RHBDD2: variants seen among roughly 807,000 people sequenced by gnomAD.
The protein encoded by RHBDD2 is rhomboid domain-containing protein 2.
Under a neutral mutation model 21.7 loss-of-function variants are expected in RHBDD2, and 13 were observed. The ratio of observed to expected loss-of-function variants is 0.60; its 90% confidence interval spans 0.39 to 0.95. RHBDD2 has a LOEUF of 0.95. Among genes scored for constraint, RHBDD2 ranks in the 40% least tolerant of loss-of-function variants. The pLI is 0.00. For synonymous variants in RHBDD2, 225 were observed against 220.0 expected, an observed-to-expected ratio of 1.02 and a Z score of -0.20; for missense variants, 473 against 478.9, an observed-to-expected ratio of 0.99 and a Z score of 0.11.
chr7:75,879,972 G>C (rs2115974744), intron 1 of RHBDD2, among the ~76,000 whole-genome samples: 1 of 152,232 alleles, frequency 6.6e-6, no homozygotes, highest in South Asian at 2.1e-4. Context: ...CATATCTCCT[G>C]CTGTTTTGCA....
chr7:75,888,150 C>G lies in RHBDD2; in HGVS notation c.896C>G (p.Pro299Arg), dbSNP rs782680205. 1.9e-6 allele frequency: 3 copies of G among 1,613,768 alleles called. No homozygotes were observed. Among genetic ancestry groups the G allele is most frequent in the African/African-American group, 1.3e-5 (1 of 74,934 alleles). Residue 299 changes from proline to arginine, a missense_variant, in exon 4 of 4, where the codon CCT (proline) becomes CGT (arginine). Transcript: ENST00000006777. ...GHMPTLPPYQ[P>R]ASGLCYVQNH... ...ATGCCCACCTTGCCTCCGTACCAGCCTGCCTCCGGCCTGTGCTATGTGCAG... is the reference window on the plus strand; with the variant it reads ...ATGCCCACCTTGCCTCCGTACCAGCGTGCCTCCGGCCTGTGCTATGTGCAG...
chr7:75,882,154 G>A lies in RHBDD2; in HGVS notation c.504G>A (p.Pro168=), dbSNP rs377724977. ...TGGTTGTGCCCTCAGTCCTGGTTCC[G>A]TGGCTCCTGCTGGGTGCCTCGTGGC... The part of the protein sequence containing the change: ...FGMVVPSVLV[P]WLLLGASWLI... Residue 168 remains proline, a synonymous_variant, in exon 2 of 4, where the codon CCG becomes CCA. Coordinates refer to ENST00000006777, the MANE Select transcript of RHBDD2 (RefSeq NM_001040456.3). 10 of 1,614,122 alleles carry A rather than the reference G, an allele frequency of 6.2e-6. No individual in the cohort carries two copies. The highest frequency in any genetic ancestry group is 5.3e-5 in the African/African-American group (4 of 75,028).
intron 2 of RHBDD2, 53 bp downstream of exon 2, chr7:75,882,289 G>A (rs1405304249): frequency 3.3e-6 from 5 of 1,493,532 alleles, no homozygotes; most frequent in Non-Finnish European, 4.5e-6. Context: ...GGGTGAACCA[G>A]GCTGGAGGGT....
intron 1 of RHBDD2, chr7:75,881,594 C>A: frequency 8.2e-7 from 1 of 1,217,164 alleles, no homozygotes; most frequent in South Asian, 1.6e-5. Context: ...TCAGTTACCG[C>A]TAAGAGTTGC....
In RHBDD2 at chr7:75,881,560, G is replaced by A. The variant is rs192316619; in HGVS notation, c.179-269G>A. On this transcript the variant is annotated intron_variant, in intron 1 of 3. Transcript: ENST00000006777. ...TTCAGAGACTGCCCTCTACCGAAAA[G>A]TATTATTTTTTTCCCTCTGGAAGTC... 433 of 1,374,330 alleles carry A rather than the reference G, an allele frequency of 3.2e-4. 1 individual carries two copies. The East Asian group carries it at 0.01, about 33-fold the overall frequency. The allele number at this position is 1,374,330 out of a possible 1,614,324, so 85.1% of individuals were successfully genotyped here.
Position 75,879,076 on chromosome 7 carries a change from G to A in RHBDD2, c.-7G>A, listed in dbSNP as rs534925489. ...CGTCGAGGCGGGGCGCGGGAACGAC[G>A]GCGGCCATGGCGGCCTCGGGGCCCG... On this transcript the variant is annotated 5_prime_UTR_variant, in exon 1 of 4. Coordinates refer to ENST00000006777, the MANE Select transcript of RHBDD2 (RefSeq NM_001040456.3). 2 of 1,360,220 alleles carry A rather than the reference G, an allele frequency of 1.5e-6. No individual in the cohort carries two copies. The highest frequency in any genetic ancestry group is 1.5e-5 in the African/African-American group (1 of 65,252). 84.3% of individuals were successfully genotyped at this position (1,360,220 alleles called of 1,614,324 possible). A position where few individuals can be genotyped will look rare whatever the true frequency, so the allele number is the denominator to read the frequency against.
In RHBDD2 at chr7:75,879,861, G is replaced by T. The variant is rs560122397; in HGVS notation, c.178+601G>T. ...GAAGTGTTTGTTTTTCTCTAGGGGA[G>T]AGAAATTTTGCAGACCAATTAAGTA... On this transcript the variant is annotated intron_variant, in intron 1 of 3. Transcript: ENST00000006777. Among the ~76,000 whole-genome samples, 15 of 152,192 alleles carry T rather than the reference G, an allele frequency of 9.9e-5. 1 individual carries two copies. Among genetic ancestry groups the T allele is most frequent in the African/African-American group, 2.7e-4 (11 of 41,434 alleles).
chr7:75,887,134 A>ATTTTTTT (rs528254017), intron 3 of RHBDD2, among the ~76,000 whole-genome samples: 4 of 124,290 alleles, frequency 3.2e-5, no homozygotes, highest in Non-Finnish European at 6.7e-5. Context: ...TTGATAGATA[A>ATTTTTTT]TTTTTTTTTT....
intron 2 of RHBDD2, among the ~76,000 whole-genome samples, chr7:75,882,900 G>C (rs1264092836): frequency 1.3e-5 from 2 of 152,146 alleles, no homozygotes; most frequent in African/African-American, 2.4e-5. Context: ...TAGGTCAGAC[G>C]ACCAGGATAC....
intron 1 of RHBDD2, chr7:75,881,417 T>C (rs1554542454): frequency 7.7e-7 from 1 of 1,294,194 alleles, no homozygotes; most frequent in East Asian, 5.5e-5. Context: ...GCACACAGAG[T>C]GTTAAGTGAC....
chr7:75,885,525 C>T (rs1337560672), intron 3 of RHBDD2, among the ~76,000 whole-genome samples: 3 of 152,100 alleles, frequency 2.0e-5, no homozygotes, highest in Non-Finnish European at 4.4e-5. Context: ...AAAAAAGGAG[C>T]TCGCTGGGAA....
chr7:75,880,003 A>G (rs1805224356), intron 1 of RHBDD2, among the ~76,000 whole-genome samples: 1 of 152,198 alleles, frequency 6.6e-6, no homozygotes, highest in African/African-American at 2.4e-5. Flanking sequence ...ACTGATATGT[A>G]TTAATTTCGT....
In RHBDD2 at chr7:75,883,866, T is replaced by G; in HGVS notation, c.737+18T>G. On this transcript the variant is annotated intron_variant, in intron 3 of 3. Transcript: ENST00000006777. ...AGCCGGAAGTAAGTGACAGAACTCT[T>G]AAGTGCTGTTAAATCTTTTTTAAAA... 6.4e-7 allele frequency: 1 copy of G among 1,570,086 alleles called. No homozygotes were observed. Among genetic ancestry groups the G allele is most frequent in the Non-Finnish European group, 8.6e-7 (1 of 1,163,504 alleles).
rs554822225 is a variant in RHBDD2 at position 75,879,809 on chromosome 7, T to C, written c.178+549T>C. 1.4e-3 allele frequency among the ~76,000 whole-genome samples: 216 copies of C among 152,336 alleles called. 6 individuals carry two copies. The South Asian group carries it at 0.043, about 30-fold the overall frequency. ...GACTGCCATTCCCAGCTCATGGGGG[T>C]ACCAGGGTGTCTTCTGCCTTTGGAG... On this transcript the variant is annotated intron_variant, in intron 1 of 3. Transcript: ENST00000006777.
Position 75,879,047 on chromosome 7 carries a change from C to A in RHBDD2, c.-36C>A. 1.5e-6 allele frequency: 2 copies of A among 1,365,202 alleles called. No homozygotes were observed. The highest frequency in any genetic ancestry group is 1.9e-6 in the Non-Finnish European group (2 of 1,056,416). The allele number at this position is 1,365,202 out of a possible 1,614,324, so 84.6% of individuals were successfully genotyped here. On this transcript the variant is annotated 5_prime_UTR_variant, in exon 1 of 4. Coordinates refer to ENST00000006777, the MANE Select transcript of RHBDD2 (RefSeq NM_001040456.3). The stretch of plus-strand genomic sequence containing the variant: ...GGCGGAAGGAGCAGAGGACCGGCAG[C>A]CGGCGTCGAGGCGGGGCGCGGGAAC...
In RHBDD2 at chr7:75,888,217, A is replaced by C; in HGVS notation, c.963A>C (p.Pro321=). The change falls in exon 4 of 4, where the codon CCA becomes CCC. Residue 321 remains proline (P), a synonymous_variant. Transcript: ENST00000006777. ...ACCCCACCTCCTCCAGTGTCTACCCAGCTTCTGCGGGCACCTCCCTGGGCA... is the reference window on the plus strand; with the variant it reads ...ACCCCACCTCCTCCAGTGTCTACCCCGCTTCTGCGGGCACCTCCCTGGGCA... ...GPNPTSSSVY[P]ASAGTSLGIQ... 5 of 1,613,538 alleles carry C rather than the reference A, an allele frequency of 3.1e-6. No homozygotes were observed. Among genetic ancestry groups the C allele is most frequent in the Non-Finnish European group, 4.2e-6 (5 of 1,179,946 alleles).
intron 3 of RHBDD2, among the ~76,000 whole-genome samples, chr7:75,885,558 T>C (rs2116035911): frequency 6.6e-6 from 1 of 152,292 alleles, no homozygotes; most frequent in Middle Eastern, 3.4e-3. Flanking sequence ...CCATTTTGTA[T>C]TGCTATAAAG....
At position 75,879,095 on chromosome 7, in the gene RHBDD2, G is replaced by A; in HGVS notation, c.13G>A (p.Gly5Arg). The change falls in exon 1 of 4, where the codon GGG becomes AGG. Residue 5 changes from glycine (G) to arginine (R), a missense_variant. Transcript: ENST00000006777. ...AACGACGGCGGCCATGGCGGCCTCG[G>A]GGCCCGGGTGTCGCAGCTGGTGCTT... MAAS[G>R]PGCRSWCLCP... 7.3e-7 allele frequency: 1 copy of A among 1,366,676 alleles called. No homozygotes were observed. The allele number at this position is 1,366,676 out of a possible 1,614,324, so 84.7% of individuals were successfully genotyped here.
Position 75,879,270 on chromosome 7 carries a change from G to C in RHBDD2, c.178+10G>C. 1 of 1,475,102 alleles carries C rather than the reference G, an allele frequency of 6.8e-7. No individual in the cohort carries two copies. The highest frequency in any genetic ancestry group is 9.0e-7 in the Non-Finnish European group (1 of 1,111,970). 91.4% of individuals were successfully genotyped at this position (1,475,102 alleles called of 1,614,324 possible). A position where few individuals can be genotyped will look rare whatever the true frequency, so the allele number is the denominator to read the frequency against. On this transcript the variant is annotated intron_variant, in intron 1 of 3. Transcript: ENST00000006777. ...CTTCGCAACTGGCAAGGTGAGCAGG[G>C]GCGGGCCGGGATCGCGGGGCGAGTC...
Sources: gnomAD v4.1 joint callset for allele counts (sites outside exome capture counted in the v4.1 genomes callset) on GRCh38, gnomAD v4.1.1 for gene constraint, MANE v1.5 for transcripts, NCBI Gene and HGNC (gene_info 2026-07-23, HGNC 2026-07-21) for gene names.